Variants in MYT1L observed in about 807,000 individuals in gnomAD.
MYT1L encodes the protein myelin transcription factor 1-like protein.
A neutral mutation model predicts 126.7 loss-of-function variants in MYT1L; 12 were observed. The ratio of observed to expected loss-of-function variants is 0.09; its 90% confidence interval spans 0.06 to 0.15. The LOEUF (loss-of-function observed/expected upper bound fraction) is 0.15, where lower values mean the gene tolerates loss of function less well. Ranked by LOEUF, MYT1L falls within the 10% of genes least tolerant of loss-of-function variation. The pLI, the probability that MYT1L is intolerant of heterozygous loss-of-function variation, is 1.00. For synonymous variants in MYT1L, 541 were observed against 604.2 expected (o/e 0.90, Z 1.53); for missense variants, 979 against 1,585.2 (o/e 0.62, Z 6.49).
intron 3 of MYT1L, among the ~76,000 whole-genome samples, chr2:2,080,781 A>C (rs187725412): frequency 6.6e-6 from 1 of 152,360 alleles, no homozygotes; most frequent in Non-Finnish European, 1.5e-5. Flanking sequence ...CTACTTTGAC[A>C]AAAATTTTGG....
At chr2:2,253,714 C>T (rs1034352924) in intron 2 of MYT1L, among the ~76,000 whole-genome samples, 6 of 151,308 alleles carry the variant, frequency 4.0e-5, no homozygotes, top group African/African-American at 1.2e-4. Context: ...AAACAGGAAG[C>T]GGGGCAGGAG....
At position 2,041,090 on chromosome 2, in the gene MYT1L, T is replaced by A. The variant is rs114802182; in HGVS notation, c.-158+12888A>T. Among the ~76,000 whole-genome samples the A allele has an allele frequency of 5.0e-3, 759 of 152,346 alleles. 6 individuals carry two copies. Among genetic ancestry groups the A allele is most frequent in the African/African-American group, 0.018 (730 of 41,574 alleles). On this transcript the variant is annotated intron_variant, in intron 4 of 24. Transcript: ENST00000647738. ...AAATTGCAAACTACCTGACATTTTA[T>A]CCAGAAAAATGTTACTTAGCAGATA... is the stretch of plus-strand genomic sequence containing the variant.
intron 3 of MYT1L, among the ~76,000 whole-genome samples, chr2:2,088,259 G>A (rs185471499): frequency 1.3e-5 from 2 of 152,294 alleles, no homozygotes; most frequent in Admixed American, 6.5e-5. Flanking sequence ...TCTAGAAGAC[G>A]GAAAATAAAA....
At chr2:2,210,566 A>T (rs545840487) in intron 2 of MYT1L, among the ~76,000 whole-genome samples, 1 of 152,056 alleles carries the variant, frequency 6.6e-6, no homozygotes, top group Non-Finnish European at 1.5e-5. Flanking sequence ...TGGATTCTTT[A>T]TTCTGTTCCA....
At chr2:1,961,685 T>C (rs1438727700) in intron 8 of MYT1L, among the ~76,000 whole-genome samples, 1 of 152,244 alleles carries the variant, frequency 6.6e-6, no homozygotes, top group East Asian at 1.9e-4. Context: ...ATTTTAAAAT[T>C]GAAAGGCACT....
chr2:2,274,608 G>A (rs2095323762), intron 2 of MYT1L, among the ~76,000 whole-genome samples: 1 of 152,310 alleles, frequency 6.6e-6, no homozygotes. Context: ...ACTAAGGGGA[G>A]TAGCCTGAGA....
In MYT1L at chr2:2,269,306, C is replaced by T. The variant is rs2385030; in HGVS notation, c.-421+15098G>A. Among the ~76,000 whole-genome samples the T allele has an allele frequency of 6.7e-3, 1,015 of 152,282 alleles. 13 individuals are homozygous for T. Among genetic ancestry groups the T allele is most frequent in the African/African-American group, 0.023 (959 of 41,532 alleles). ...GAAGCTTCTGTATTCTCAGGCTGTG[C>T]GCTTCTCTGGACATGGTGGTTTACA... On this transcript the variant is annotated intron_variant, in intron 2 of 24. Coordinates refer to ENST00000647738, the MANE Select transcript of MYT1L (RefSeq NM_001303052.2).
intron 18 of MYT1L, among the ~76,000 whole-genome samples, chr2:1,866,535 G>C (rs2045506953): frequency 7.1e-6 from 1 of 141,082 alleles, no homozygotes; most frequent in Admixed American, 7.0e-5. Context: ...GTTGGGAGGA[G>C]AGAGAGAGGC....
At chr2:1,819,657 G>T (rs1260959013) in intron 21 of MYT1L, among the ~76,000 whole-genome samples, 2 of 152,214 alleles carry the variant, frequency 1.3e-5, no homozygotes, top group Non-Finnish European at 2.9e-5. Context: ...GCCCTACAGG[G>T]ATGCACATGG....
intron 3 of MYT1L, among the ~76,000 whole-genome samples, chr2:2,119,172 C>T (rs1269713375): frequency 2.0e-5 from 3 of 152,214 alleles, no homozygotes; most frequent in Non-Finnish European, 2.9e-5. Context: ...GGTGTGAAAA[C>T]ATGTTTGACC....
At chr2:2,205,295 A>C (rs1400803524) in intron 2 of MYT1L, among the ~76,000 whole-genome samples, 1 of 152,126 alleles carries the variant, frequency 6.6e-6, no homozygotes, top group Non-Finnish European at 1.5e-5. Flanking sequence ...TATAATATAC[A>C]AAAAAAGAAA....
intron 13 of MYT1L, among the ~76,000 whole-genome samples, chr2:1,906,478 C>T (rs1034482304): frequency 1.3e-5 from 2 of 152,038 alleles, no homozygotes; most frequent in Admixed American, 1.3e-4. Flanking sequence ...GGTGCAGTTA[C>T]AAAGTTTTGA....
intron 1 of MYT1L, among the ~76,000 whole-genome samples, chr2:2,295,565 C>CAGAGAGAGAGAGAGAGAGAGACAGACAG (rs60405946): frequency 8.9e-5 from 3 of 33,834 alleles, no homozygotes; most frequent in African/African-American, 1.3e-4. Flanking sequence ...GACAGACAGA[C>CAGAGAGAGAGAGAGAGAGAGACAGACAG]AGAGAGAGAG....
At chr2:2,272,270 C>A (rs1288686274) in intron 2 of MYT1L, among the ~76,000 whole-genome samples, 2 of 152,172 alleles carry the variant, frequency 1.3e-5, no homozygotes, top group African/African-American at 4.8e-5. Flanking sequence ...TGGGTTCCAG[C>A]CCTGTCATCG....
intron 23 of MYT1L, among the ~76,000 whole-genome samples, chr2:1,794,369 G>A (rs1247637174): frequency 6.6e-6 from 1 of 152,200 alleles, no homozygotes; most frequent in Non-Finnish European, 1.5e-5. Context: ...GGCAAAGTGT[G>A]GGCTCTTTTT....
At chr2:1,876,391 C>T (rs13009772) in intron 18 of MYT1L, among the ~76,000 whole-genome samples, 6,115 of 152,148 alleles carry the variant, frequency 0.04, 133 homozygotes, top group African/African-American at 0.053. Flanking sequence ...CCCAGGACTC[C>T]GAGTCCAGCC....
At chr2:2,137,928 G>T (rs1300146547) in intron 3 of MYT1L, among the ~76,000 whole-genome samples, 2 of 152,032 alleles carry the variant, frequency 1.3e-5, no homozygotes, top group Admixed American at 6.5e-5. Flanking sequence ...GAAAATTTTT[G>T]CAACCTACTC....
At chr2:1,866,704 AG>A in intron 18 of MYT1L, among the ~76,000 whole-genome samples, 1 of 85,270 alleles carries the variant, frequency 1.2e-5, no homozygotes, top group Non-Finnish European at 2.3e-5. Context: ...AGGGAGAGGG[AG>A]GGAGAGAGAG....
chr2:1,891,942 C>G (rs537150433), intron 15 of MYT1L, 95 bp downstream of exon 15: 1 of 1,436,782 alleles, frequency 7.0e-7, no homozygotes, highest in African/African-American at 1.4e-5. Flanking sequence ...TTGCCCCATA[C>G]AGCTGCCCCG....
Sources: gnomAD v4.1 joint callset for allele counts (sites outside exome capture counted in the v4.1 genomes callset) on GRCh38, gnomAD v4.1.1 for gene constraint, MANE v1.5 for transcripts, NCBI Gene and HGNC (gene_info 2026-07-23, HGNC 2026-07-21) for gene names.